NECAB1: variants seen among roughly 807,000 people sequenced by gnomAD.
NECAB1 encodes N-terminal EF-hand calcium binding protein 1, also known as N-terminal EF-hand calcium-binding protein 1.
A neutral mutation model predicts 57.5 loss-of-function variants in NECAB1; 29 were observed. The ratio of observed to expected loss-of-function variants is 0.50; its 90% CI spans 0.38 to 0.69. The LOEUF (loss-of-function observed/expected upper bound fraction) is 0.69, where lower values mean the gene tolerates loss of function less well. NECAB1 is among the 30% of genes least tolerant of loss of function. NECAB1 has a pLI of 0.00. For synonymous variants in NECAB1, 142 were observed against 147.7 expected (o/e 0.96, Z 0.28); for missense variants, 372 against 413.8 (o/e 0.90, Z 0.88).
chr8:90,955,580 G>C lies in NECAB1; in HGVS notation c.*68G>C. 1.7e-6 allele frequency: 2 copies of C among 1,210,104 alleles called. No homozygotes were observed. Among genetic ancestry groups the C allele is most frequent in the Non-Finnish European group, 2.3e-6 (2 of 865,356 alleles). The allele number at this position is 1,210,104 out of a possible 1,614,324, so 75.0% of individuals were successfully genotyped here. ...GTGTTCTTATCTAAAACGTCAATTA[G>C]AAAATTATCTGCGGTTGTTAATCTA... is the stretch of plus-strand genomic sequence containing the variant. On this transcript the variant is annotated 3_prime_UTR_variant, in exon 13 of 13. Transcript: ENST00000417640.
At chr8:90,843,575 T>C (rs1264732922) in intron 3 of NECAB1, among the ~76,000 whole-genome samples, 1 of 152,234 alleles carries the variant, frequency 6.6e-6, no homozygotes, top group Non-Finnish European at 1.5e-5. Context: ...CAACTGACTA[T>C]TATACGCTCA....
In NECAB1 at chr8:90,850,189, T is replaced by C. The variant is rs189204005; in HGVS notation, c.234-21939T>C. Among the ~76,000 whole-genome samples the C allele has an allele frequency of 6.4e-3, 975 of 152,216 alleles. 6 individuals are homozygous for C. Among genetic ancestry groups the C allele is most frequent in the Non-Finnish European group, 0.012 (808 of 68,004 alleles). On this transcript the variant is annotated intron_variant, in intron 3 of 12. Transcript: ENST00000417640. ...GCTAGAGGGACAAAAGGAGCATAAA[T>C]AAGGTGGAGATAGGAAAAGACAATT... is the stretch of plus-strand genomic sequence containing the variant.
chr8:90,937,460 TAGA>T (rs1810565938), intron 9 of NECAB1, among the ~76,000 whole-genome samples: 1 of 152,144 alleles, frequency 6.6e-6, no homozygotes, highest in Non-Finnish European at 1.5e-5. Flanking sequence ...TCATAATAAA[TAGA>T]AGTTTTTTTA....
At chr8:90,796,245 C>A (rs954374732) in intron 1 of NECAB1, among the ~76,000 whole-genome samples, 5 of 152,098 alleles carry the variant, frequency 3.3e-5, no homozygotes, top group Admixed American at 6.6e-5. Flanking sequence ...CATCTGACCC[C>A]AGGCAGTCTA....
In NECAB1 at chr8:90,917,612, C is replaced by G. The variant is rs1481050348; in HGVS notation, c.478C>G (p.Gln160Glu). 1 of 1,607,906 alleles carries G rather than the reference C, an allele frequency of 6.2e-7. No individual in the cohort carries two copies. The highest frequency in any genetic ancestry group is 8.5e-7 in the Non-Finnish European group (1 of 1,176,572). Residue 160 changes from glutamine to glutamate, a missense_variant, in exon 6 of 13, where the codon CAA becomes GAA. Gln to Glu is a conservative substitution (Grantham distance 29). Coordinates refer to ENST00000417640, the MANE Select transcript of NECAB1 (RefSeq NM_022351.5). ...ATGTGCCATGGAAACTACTGAGGAG[C>G]AAACCCGTCAAGAAAGGCAATTTAC... Reference protein sequence around the residue: ...LECAMETTEEQTRQERQGPAK... With the variant: ...LECAMETTEEETRQERQGPAK...
intron 5 of NECAB1, among the ~76,000 whole-genome samples, chr8:90,907,948 A>C (rs763102561): frequency 1.3e-4 from 20 of 152,222 alleles, no homozygotes; most frequent in Non-Finnish European, 2.9e-4. Context: ...GCTGTTTAGA[A>C]ATGCTCATAA....
chr8:90,883,451 G>C (rs1808892977), intron 5 of NECAB1, among the ~76,000 whole-genome samples: 1 of 152,118 alleles, frequency 6.6e-6, no homozygotes, highest in South Asian at 2.1e-4. Flanking sequence ...CAGATAAAAA[G>C]TCCTGTCTCA....
Position 90,956,201 on chromosome 8 carries a change from C to A in NECAB1, c.*689C>A, listed in dbSNP as rs530852898. ...TGTGTCATTTATTAGCATCATAATT[C>A]TTTGTTATGTAAGTTAAATATATCA... On this transcript the variant is annotated 3_prime_UTR_variant, in exon 13 of 13. Coordinates refer to ENST00000417640, the MANE Select transcript of NECAB1 (RefSeq NM_022351.5). 5.9e-5 allele frequency: 9 copies of A among 151,984 alleles called. No individual in the cohort carries two copies. Among genetic ancestry groups the A allele is most frequent in the African/African-American group, 1.7e-4 (7 of 41,486 alleles). 9.4% of individuals were successfully genotyped at this position (151,984 alleles called of 1,614,324 possible). A position where few individuals can be genotyped will look rare whatever the true frequency, so the allele number is the denominator to read the frequency against.
intron 8 of NECAB1, among the ~76,000 whole-genome samples, chr8:90,929,212 G>C (rs1810349394): frequency 6.6e-6 from 1 of 152,174 alleles, no homozygotes; most frequent in African/African-American, 2.4e-5. Flanking sequence ...TGGATCAGAT[G>C]TTAAAATCTA....
In NECAB1 at chr8:90,894,536, A is replaced by T. The variant is rs138576554; in HGVS notation, c.357+13406A>T. Among the ~76,000 whole-genome samples, 263 of 152,260 alleles carry T rather than the reference A, an allele frequency of 1.7e-3. 1 individual carries two copies. Among genetic ancestry groups the T allele is most frequent in the African/African-American group, 6.1e-3 (252 of 41,552 alleles). On this transcript the variant is annotated intron_variant, in intron 5 of 12. Transcript: ENST00000417640. ...ATTTCTTTCATTGTCAGATGTTGGG[A>T]GGATAAAATGATATAATGCATGTAG...
intron 5 of NECAB1, 132 bp from the exon 6 acceptor site, chr8:90,917,360 C>G: frequency 2.8e-6 from 2 of 707,082 alleles, no homozygotes; most frequent in Non-Finnish European, 4.2e-6. Context: ...CTCGACAGAT[C>G]TTTTCCCTTC....
intron 3 of NECAB1, among the ~76,000 whole-genome samples, chr8:90,829,967 T>C (rs953154871): frequency 2.6e-5 from 4 of 152,110 alleles, no homozygotes; most frequent in African/African-American, 9.7e-5. Context: ...TTGTTTCAGA[T>C]GGCAGAATTT....
chr8:90,897,295 G>A (rs917745072), intron 5 of NECAB1, among the ~76,000 whole-genome samples: 3 of 152,112 alleles, frequency 2.0e-5, no homozygotes, highest in Non-Finnish European at 4.4e-5. Flanking sequence ...TGTTGTTGTT[G>A]TTTGGTAAAC....
intron 4 of NECAB1, among the ~76,000 whole-genome samples, chr8:90,876,737 G>C (rs1392813072): frequency 1.3e-5 from 2 of 152,112 alleles, no homozygotes; most frequent in African/African-American, 4.8e-5. Flanking sequence ...CTTCCTGACA[G>C]ATAACAGGCT....
At chr8:90,795,701 A>ATCTC (rs144166896) in intron 1 of NECAB1, among the ~76,000 whole-genome samples, 41,724 of 139,804 alleles carry the variant, frequency 0.3, 6,678 homozygotes, top group East Asian at 0.68. Flanking sequence ...ATCTCACCTC[A>ATCTC]TCTCTCTCAC....
intron 12 of NECAB1, among the ~76,000 whole-genome samples, chr8:90,954,960 A>G (rs1444757874): frequency 1.4e-5 from 2 of 144,546 alleles, no homozygotes; most frequent in Non-Finnish European, 3.0e-5. Flanking sequence ...TATACATATT[A>G]TATGTATATA....
chr8:90,818,601 T>C (rs560616721), intron 2 of NECAB1, among the ~76,000 whole-genome samples: 1 of 152,154 alleles, frequency 6.6e-6, no homozygotes, highest in East Asian at 1.9e-4. Context: ...CTGCAATTCT[T>C]CTCCTTAGCC....
intron 3 of NECAB1, among the ~76,000 whole-genome samples, chr8:90,842,003 T>C (rs898792670): frequency 6.6e-6 from 1 of 151,966 alleles, no homozygotes; most frequent in African/African-American, 2.4e-5. Context: ...CATGGACACA[T>C]GGTGGGGAAC....
rs1034478256 is a variant in NECAB1, at chr8:90,941,259, C to T, written c.860+361C>T. On this transcript the variant is annotated intron_variant, in intron 10 of 12. Transcript: ENST00000417640. ...TTAAAATCATCTCTGGTAGATGAGG[C>T]GCCAACTCTAGGACATCTAGCTGTG... Among the ~76,000 whole-genome samples, 12 of 152,200 alleles carry T rather than the reference C, an allele frequency of 7.9e-5. 1 individual carries two copies. The highest frequency in any genetic ancestry group is 7.9e-4 in the Admixed American group (12 of 15,278).
Sources: gnomAD v4.1 joint callset for allele counts (sites outside exome capture counted in the v4.1 genomes callset) on GRCh38, gnomAD v4.1.1 for gene constraint, MANE v1.5 for transcripts, NCBI Gene and HGNC (gene_info 2026-07-23, HGNC 2026-07-21) for gene names.